The following TRAP1 variants were observed in gnomAD, a reference collection of about 807,000 sequenced individuals.
TRAP1 encodes TNF receptor associated protein 1, also known as heat shock protein 75 kDa, mitochondrial.
A neutral mutation model predicts 89.1 loss-of-function variants in TRAP1; 102 were observed. That is an observed-to-expected ratio of 1.15 (90% confidence interval 0.98 to 1.35). TRAP1 has a LOEUF of 1.35. Ranked by LOEUF, TRAP1 falls within the 40% of genes most tolerant of loss-of-function variation. The pLI is 0.00. For synonymous variants in TRAP1, 508 were observed against 388.0 expected (o/e 1.31, Z -3.64); for missense variants, 1,256 against 945.3 (o/e 1.33, Z -4.31).
chr16:3,712,552 T>C (rs559023920), intron 1 of TRAP1, among the ~76,000 whole-genome samples: 1 of 152,260 alleles, frequency 6.6e-6, no homozygotes, highest in South Asian at 2.1e-4. Context: ...TGTCTTAGCT[T>C]AGGCCAACTA....
At chr16:3,664,675 C>G in intron 12 of TRAP1, 1 of 550,262 alleles carries the variant, frequency 1.8e-6, no homozygotes, top group Non-Finnish European at 3.1e-6. Flanking sequence ...GGAAGCACCT[C>G]CTGCCCCAGG....
chr16:3,662,224 C>T (rs965499491), intron 15 of TRAP1, 92 bp from the exon 16 acceptor site: 36 of 1,489,506 alleles, frequency 2.4e-5, no homozygotes, highest in South Asian at 7.8e-5. Flanking sequence ...ACCCAGACCA[C>T]GAGGTAGCAG....
In TRAP1 at chr16:3,666,057, C is replaced by T. The variant is rs775193997; in HGVS notation, c.1297G>A (p.Asp433Asn). 5.6e-6 allele frequency: 9 copies of T among 1,614,046 alleles called. No individual in the cohort carries two copies. Among genetic ancestry groups the T allele is most frequent in the African/African-American group, 1.3e-5 (1 of 74,928 alleles). ...AAAAACTTTGCATACTTCTCAGCAT[C>T]TTTTTTACTCTGGTCAATGAAGAAT... The part of the protein sequence containing the change: ...IKFFIDQSKK[D>N]AEKYAKFFED... The change falls in exon 12 of 18, where the codon GAT (aspartate) becomes AAT (asparagine). Residue 433 changes from aspartate to asparagine, a missense_variant. Asp to Asn is a conservative substitution (Grantham distance 23). Coordinates refer to ENST00000246957, the MANE Select transcript of TRAP1 (RefSeq NM_016292.3).
intron 1 of TRAP1, among the ~76,000 whole-genome samples, chr16:3,711,064 T>C (rs887213178): frequency 2.7e-5 from 4 of 147,220 alleles, no homozygotes; most frequent in African/African-American, 5.0e-5. Flanking sequence ...TTGGTAGAGA[T>C]GGGGGTCTCT....
chr16:3,671,323 G>C (rs1477576559), intron 11 of TRAP1, among the ~76,000 whole-genome samples: 1 of 152,246 alleles, frequency 6.6e-6, no homozygotes, highest in Non-Finnish European at 1.5e-5. Flanking sequence ...TTTGAATAAA[G>C]ACTATTTGGT....
rs945418165 is a variant in TRAP1, at chr16:3,658,715, C to T, written c.2013+78G>A. The T allele has an allele frequency of 8.4e-5, 114 of 1,354,906 alleles. No homozygotes were observed. In the South Asian group the frequency reaches 1.4e-3, roughly 16 times the overall value. 83.9% of individuals were successfully genotyped at this position (1,354,906 alleles called of 1,614,324 possible). A position where few individuals can be genotyped will look rare whatever the true frequency, so the allele number is the denominator to read the frequency against. ...CAAAAAGACAGGATTTTAGAGGAAA[C>T]CGCTGTTCCACCCTGAAGGCAGGCT... On this transcript the variant is annotated intron_variant, in intron 17 of 17. Transcript: ENST00000246957.
At position 3,658,819 on chromosome 16, in the gene TRAP1, CAGGCT is replaced by C. The variant is rs772371140; in HGVS notation, c.1982_1986del (p.Glu661GlyfsTer22). 6.2e-7 allele frequency: 1 copy of C among 1,613,928 alleles called. No homozygotes were observed. Among genetic ancestry groups the C allele is most frequent in the Non-Finnish European group, 8.5e-7 (1 of 1,179,992 alleles). On this transcript the variant is annotated frameshift_variant, in exon 17 of 18. Transcript: ENST00000246957. LOFTEE classifies it high-confidence loss of function. ...TGATCCACCAGCAGCTGAGCCAGGC[CAGGCT>C]CGCTTGCGCGCAGCTGATTCAGCTT...
chr16:3,710,403 G>C (rs2051512959), intron 1 of TRAP1: 1 of 152,164 alleles, frequency 6.6e-6, no homozygotes. Context: ...TTTGATGTGG[G>C]GACACTTCAT....
rs200368990 is a variant in TRAP1, at chr16:3,662,928, A to G, written c.1748T>C (p.Met583Thr). 8 of 1,613,044 alleles carry G rather than the reference A, an allele frequency of 5.0e-6. No individual in the cohort carries two copies. The highest frequency in any genetic ancestry group is 4.5e-5 in the East Asian group (2 of 44,880). ...CLSEKETEEL[M>T]AWMRNVLGSR... ...CCCCAGCACATTTCTCATCCAGGCC[A>G]TGAGCTCCTCCGTCTCCTTCTCTGA... The change falls in exon 15 of 18, where the codon ATG (methionine) becomes ACG (threonine). Residue 583 changes from methionine (M) to threonine (T), a missense_variant. Met to Thr is a moderately conservative substitution (Grantham distance 81). Transcript: ENST00000246957.
At chr16:3,699,093 A>G (rs1180141195) in intron 1 of TRAP1, among the ~76,000 whole-genome samples, 1 of 152,126 alleles carries the variant, frequency 6.6e-6, no homozygotes, top group African/African-American at 2.4e-5. Context: ...GGAAGCACTG[A>G]TAGTTTGAAT....
chr16:3,685,210 A>G (rs1188593421), intron 4 of TRAP1, among the ~76,000 whole-genome samples: 3 of 152,026 alleles, frequency 2.0e-5, no homozygotes, highest in African/African-American at 7.3e-5. Flanking sequence ...CCCACTCCCC[A>G]CCCAATCCTT....
At position 3,666,090 on chromosome 16, in the gene TRAP1, G is replaced by C. The variant is rs1159559261; in HGVS notation, c.1264C>G (p.Leu422Val). ...RKLRDVLQQR[L>V]IKFFIDQSKK... ...CTCTGGTCAATGAAGAATTTGATCA[G>C]CCTCTGCTGTAAAACGTCCCGGAGT... Residue 422 changes from leucine (L) to valine (V), a missense_variant, in exon 12 of 18, where the codon CTG becomes GTG. Transcript: ENST00000246957. The C allele has an allele frequency of 8.1e-6, 13 of 1,613,510 alleles. No homozygotes were observed. The highest frequency in any genetic ancestry group is 1.7e-5 in the Admixed American group (1 of 59,786).
At chr16:3,661,672 C>G in intron 16 of TRAP1, 1 of 308,480 alleles carries the variant, frequency 3.2e-6, no homozygotes, top group Non-Finnish European at 5.9e-6. Context: ...CCAAGATCCA[C>G]GTACAAAGCT....
At chr16:3,710,109 C>T (rs967224452) in intron 1 of TRAP1, among the ~76,000 whole-genome samples, 1 of 152,178 alleles carries the variant, frequency 6.6e-6, no homozygotes, top group Non-Finnish European at 1.5e-5. Flanking sequence ...TATACTGATA[C>T]TTCATTCATC....
At chr16:3,671,643 GC>G in intron 11 of TRAP1, 78 bp downstream of exon 11, 1 of 1,503,540 alleles carries the variant, frequency 6.7e-7, no homozygotes, top group East Asian at 2.3e-5. Flanking sequence ...ATGGGCCACG[GC>G]TAGGGCCCTC....
At chr16:3,679,976 T>A in intron 4 of TRAP1, 186 bp from the exon 5 acceptor site, 1 of 598,064 alleles carries the variant, frequency 1.7e-6, no homozygotes. Flanking sequence ...ATGCCTGTAA[T>A]CCCAGCACTA....
At chr16:3,710,877 A>ATTTTTTTTTTTTTTTT (rs1461150566) in intron 1 of TRAP1, among the ~76,000 whole-genome samples, 1 of 93,610 alleles carries the variant, frequency 1.1e-5, no homozygotes, top group African/African-American at 4.5e-5. Context: ...ATATATATAT[A>ATTTTTTTTTTTTTTTT]TATTTTTTTT....
At position 3,701,164 on chromosome 16, in the gene TRAP1, G is replaced by C. The variant is rs997616497; in HGVS notation, c.89-10179C>G. On this transcript the variant is annotated intron_variant, in intron 1 of 17. Transcript: ENST00000246957. ...GCTGGAGTGGCTCTATTAATATCAA[G>C]TAAAATACATTTCAAAATAAAAAAT... 1.6e-4 allele frequency among the ~76,000 whole-genome samples: 25 copies of C among 152,136 alleles called. No individual in the cohort carries two copies. In the East Asian group the frequency reaches 4.8e-3, roughly 29 times the overall value.
At chr16:3,675,923 C>A (rs1202489250) in intron 7 of TRAP1, 113 bp downstream of exon 7, 3 of 936,726 alleles carry the variant, frequency 3.2e-6, no homozygotes, top group Non-Finnish European at 1.6e-6. Context: ...CCCTTCACGG[C>A]TCTGCCTGTG....
Sources: gnomAD v4.1 joint callset for allele counts (sites outside exome capture counted in the v4.1 genomes callset) on GRCh38, gnomAD v4.1.1 for gene constraint, MANE v1.5 for transcripts, NCBI Gene and HGNC (gene_info 2026-07-23, HGNC 2026-07-21) for gene names.